The following ERF variants were observed in gnomAD, a reference collection of about 807,000 sequenced individuals.
ERF encodes the protein ETS domain-containing transcription factor ERF.
ERF carries 10 observed loss-of-function variants against 41.6 expected under a neutral mutation model. The observed-to-expected ratio is 0.24, with a 90% CI of 0.15 to 0.41. ERF has a LOEUF of 0.41. Among genes scored for constraint, ERF ranks in the 10% least tolerant of loss-of-function variants. ERF has a pLI of 1.00. For synonymous variants in ERF, 395 were observed against 342.4 expected, an observed-to-expected ratio of 1.15 and a Z score of -1.70; for missense variants, 621 against 763.2, an observed-to-expected ratio of 0.81 and a Z score of 2.19.
chr19:42,248,592 T>C lies in ERF; in HGVS notation c.1520A>G (p.Glu507Gly). 1 of 1,584,140 alleles carries C rather than the reference T, an allele frequency of 6.3e-7. No individual in the cohort carries two copies. Among genetic ancestry groups the C allele is most frequent in the Non-Finnish European group, 8.6e-7 (1 of 1,164,062 alleles). The change falls in exon 4 of 4, where the codon GAG becomes GGG. Residue 507 changes from glutamate to glycine, a missense_variant. Around this residue, in one of 3 missense-constraint regions of ERF, gnomAD observed 569 missense variants for 625.5 expected, o/e 0.91. Coordinates refer to ENST00000222329, the MANE Select transcript of ERF (RefSeq NM_006494.4). This position sits in a 1 kb window ranked among gnomAD's most constrained non-coding sequence, Gnocchi z 4.2. ...GGGPAGGFED[E>G]GEDKKVRGEG... The stretch of plus-strand genomic sequence containing the variant: ...CCCACGCACCTTCTTGTCCTCACCC[T>C]CATCCTCAAAGCCCCCAGCGGGGCC...
At position 42,249,510 on chromosome 19, in the gene ERF, C is replaced by A. The variant is rs753759966; in HGVS notation, c.602G>T (p.Gly201Val). ...DGTSELEEPL[G>V]EDPRARPPGP... is the part of the protein sequence containing the mutation. Reference sequence around the variant, plus strand: ...GGGTGGTCGGGCGCGGGGATCCTCTCCCAGCGGTTCCTCCAGCTCTGACGT... The same window carrying A: ...GGGTGGTCGGGCGCGGGGATCCTCTACCAGCGGTTCCTCCAGCTCTGACGT... The change falls in exon 4 of 4, where the codon GGA (glycine) becomes GTA (valine). Residue 201 changes from glycine (G) to valine (V), a missense_variant. Coordinates refer to ENST00000222329, the MANE Select transcript of ERF (RefSeq NM_006494.4). This position sits in a 1 kb window ranked among gnomAD's most constrained non-coding sequence, Gnocchi z 8.6. 1.4e-5 allele frequency: 22 copies of A among 1,612,576 alleles called. No individual in the cohort carries two copies. The highest frequency in any genetic ancestry group is 1.9e-5 in the Non-Finnish European group (22 of 1,179,832).
chr19:42,253,443 T>C (rs1040184614), intron 1 of ERF, among the ~76,000 whole-genome samples: 3 of 151,500 alleles, frequency 2.0e-5, no homozygotes, highest in African/African-American at 7.3e-5. Flanking sequence ...ACCCACACAC[T>C]GTCCCGCCCC....
Position 42,248,646 on chromosome 19 carries a change from C to G in ERF, c.1466G>C (p.Ser489Thr). The change falls in exon 4 of 4, where the codon AGT becomes ACT. Residue 489 changes from serine (S) to threonine (T), a missense_variant. Coordinates refer to ENST00000222329, the MANE Select transcript of ERF (RefSeq NM_006494.4). This position sits in a 1 kb window ranked among gnomAD's most constrained non-coding sequence, Gnocchi z 4.2. ...ACCCCCTTCGAGGCGACAGTCTTCA[C>G]TCCAGCGCCGCTTAAAGCGTAGCTT... ...PLKLRFKRRW[S>T]EDCRLEGGGG... 1 of 1,599,706 alleles carries G rather than the reference C, an allele frequency of 6.3e-7. No homozygotes were observed. The highest frequency in any genetic ancestry group is 8.5e-7 in the Non-Finnish European group (1 of 1,170,674).
intron 1 of ERF, chr19:42,251,515 G>GC (rs1437501549): frequency 3.9e-6 from 1 of 256,362 alleles, no homozygotes; most frequent in Non-Finnish European, 6.0e-6. Context: ...CAATAATTCA[G>GC]CACCAGGCAG....
intron 1 of ERF, chr19:42,254,028 C>G: frequency 1.4e-6 from 1 of 735,726 alleles, no homozygotes; most frequent in Non-Finnish European, 1.7e-6. Context: ...CAAAGTCCAG[C>G]CCGCGCGAGC....
Position 42,249,830 on chromosome 19 carries a change from C to T in ERF, c.370G>A (p.Ala124Thr). 1 of 1,614,164 alleles carries T rather than the reference C, an allele frequency of 6.2e-7. No homozygotes were observed. Among genetic ancestry groups the T allele is most frequent in the Non-Finnish European group, 8.5e-7 (1 of 1,180,012 alleles). The change falls in exon 3 of 4, where the codon GCT becomes ACT. Residue 124 changes from alanine (A) to threonine (T), a missense_variant. By Grantham distance (58) the Ala-to-Thr change is moderately conservative. This residue lies in a region of ERF where 569 missense variants were observed against 625.5 expected (regional missense o/e 0.91). Transcript: ENST00000222329. This position sits in a 1 kb window ranked among gnomAD's most constrained non-coding sequence, Gnocchi z 8.6. The part of the protein sequence containing the change: ...VNYPFIDVGL[A>T]GGAVPQSAPP... ...ACCAACCATCCCTGGTACTCACCAG[C>T]CAACCCCACATCAATGAATGGGTAA...
At chr19:42,254,760 C>T in intron 1 of ERF, 1 of 469,172 alleles carries the variant, frequency 2.1e-6, no homozygotes, top group Non-Finnish European at 3.7e-6. Context: ...GACCAAGACC[C>T]GCAGCACCCA....
intron 1 of ERF, among the ~76,000 whole-genome samples, chr19:42,254,227 G>A (rs1341256992): frequency 1.3e-5 from 2 of 151,750 alleles, no homozygotes; most frequent in Non-Finnish European, 2.9e-5. Context: ...CGGGAGGGGG[G>A]GCGAGGGGGG....
At chr19:42,253,617 G>GA (rs2036481804) in intron 1 of ERF, among the ~76,000 whole-genome samples, 2 of 152,054 alleles carry the variant, frequency 1.3e-5, no homozygotes, top group Admixed American at 6.5e-5. Context: ...TGGAAGCCGG[G>GA]GGAGTGTGTA....
chr19:42,247,750 C>G lies in ERF; in HGVS notation c.*715G>C, dbSNP rs1420186010. On this transcript the variant is annotated 3_prime_UTR_variant, in exon 4 of 4. Coordinates refer to ENST00000222329, the MANE Select transcript of ERF (RefSeq NM_006494.4). ...TTCAGGGCACCCCCTTCCCATCCCC[C>G]CACCCGCCTGCCCATGGGCCAGTCC... 3.3e-5 allele frequency: 5 copies of G among 152,454 alleles called. No individual in the cohort carries two copies. Among genetic ancestry groups the G allele is most frequent in the African/African-American group, 1.2e-4 (5 of 41,350 alleles). The allele number at this position is 152,454 out of a possible 1,614,324, so 9.4% of individuals were successfully genotyped here.
intron 1 of ERF, among the ~76,000 whole-genome samples, chr19:42,254,198 G>A (rs1228728696): frequency 6.7e-6 from 1 of 150,034 alleles, no homozygotes; most frequent in Non-Finnish European, 1.5e-5. Flanking sequence ...ACGGCCCGCT[G>A]AAAGAGAAGA....
rs772786203 is a variant in ERF, at chr19:42,248,960, G to A, written c.1152C>T (p.Leu384=). ...CCCCAGCTGCCCGCTGCCGGCGTCCGAGTGGGGGCGGCTGGAGCTTAAACT... is the reference window on the plus strand; with the variant it reads ...CCCCAGCTGCCCGCTGCCGGCGTCCAAGTGGGGGCGGCTGGAGCTTAAACT... ...PFKFKLQPPP[L]GRRQRAAGEK... The change falls in exon 4 of 4, where the codon CTC becomes CTT. Residue 384 remains leucine (L), a synonymous_variant. Coordinates refer to ENST00000222329, the MANE Select transcript of ERF (RefSeq NM_006494.4). This position sits in a 1 kb window ranked among gnomAD's most constrained non-coding sequence, Gnocchi z 4.2. 59 of 1,606,530 alleles carry A rather than the reference G, an allele frequency of 3.7e-5. No individual in the cohort carries two copies. Among genetic ancestry groups the A allele is most frequent in the South Asian group, 5.5e-5 (5 of 91,062 alleles).
rs375553116 is a variant in ERF, at chr19:42,248,612, G to A, written c.1500C>T (p.Pro500=). The A allele has an allele frequency of 4.9e-5, 77 of 1,580,188 alleles. No individual in the cohort carries two copies. The highest frequency in any genetic ancestry group is 8.9e-5 in the Admixed American group (5 of 56,026). ...EDCRLEGGGG[P]AGGFEDEGED... ...CACCCTCATCCTCAAAGCCCCCAGC[G>A]GGGCCCCCACCCCCTTCGAGGCGAC... is the stretch of plus-strand genomic sequence containing the variant. Residue 500 remains proline (P), a synonymous_variant, in exon 4 of 4, where the codon CCC becomes CCT. Coordinates refer to ENST00000222329, the MANE Select transcript of ERF (RefSeq NM_006494.4). The surrounding 1 kb of genome is among the most constrained non-coding windows in gnomAD (Gnocchi z 4.2).
intron 1 of ERF, among the ~76,000 whole-genome samples, chr19:42,254,385 G>T (rs2036499411): frequency 2.0e-5 from 3 of 152,024 alleles, no homozygotes; most frequent in Admixed American, 6.5e-5. Context: ...CGAACGTTCG[G>T]GCTGCGCTTT....
At chr19:42,254,236 GGA>G (rs2036497179) in intron 1 of ERF, among the ~76,000 whole-genome samples, 1 of 151,646 alleles carries the variant, frequency 6.6e-6, no homozygotes. Context: ...GGGCGAGGGG[GGA>G]GCCTCTGCGT....
At position 42,249,021 on chromosome 19, in the gene ERF, G is replaced by A. The variant is rs1175444897; in HGVS notation, c.1091C>T (p.Ala364Val). The change falls in exon 4 of 4, where the codon GCC becomes GTC. Residue 364 changes from alanine (A) to valine (V), a missense_variant. This residue lies in a region of ERF where 569 missense variants were observed against 625.5 expected (regional missense o/e 0.91). Coordinates refer to ENST00000222329, the MANE Select transcript of ERF (RefSeq NM_006494.4). This position sits in a 1 kb window ranked among gnomAD's most constrained non-coding sequence, Gnocchi z 8.6. ...APETPPVPSS[A>V]SSSSSSSSSP... ...GGAAGAAGAAGAAGAGGATGACGAGGCCGAGGAGGGGACCGGTGGGGTCTC... is the reference window on the plus strand; with the variant it reads ...GGAAGAAGAAGAAGAGGATGACGAGACCGAGGAGGGGACCGGTGGGGTCTC... The A allele has an allele frequency of 3.1e-6, 5 of 1,610,906 alleles. No homozygotes were observed. The highest frequency in any genetic ancestry group is 4.2e-6 in the Non-Finnish European group (5 of 1,178,856).
rs1251061432 is a variant in ERF at position 42,249,600 on chromosome 19, G to T, written c.512C>A (p.Ser171Tyr). ...SPPACSSSSS[S>Y]LFSAVVARRL... is the part of the protein sequence containing the mutation. ...GCGGGCCACCACAGCCGAGAAGAGG[G>T]AAGATGAAGATGAAGAGCAGGCTGG... The change falls in exon 4 of 4, where the codon TCC (serine) becomes TAC (tyrosine). Residue 171 changes from serine to tyrosine, a missense_variant. This residue lies in a region of ERF where 569 missense variants were observed against 625.5 expected (regional missense o/e 0.91). Coordinates refer to ENST00000222329, the MANE Select transcript of ERF (RefSeq NM_006494.4). The surrounding 1 kb of genome is among the most constrained non-coding windows in gnomAD (Gnocchi z 8.6). The T allele has an allele frequency of 6.2e-7, 1 of 1,613,500 alleles. No individual in the cohort carries two copies. Among genetic ancestry groups the T allele is most frequent in the East Asian group, 2.2e-5 (1 of 44,890 alleles).
At position 42,250,284 on chromosome 19, in the gene ERF, CG is replaced by C. The variant is rs748628629; in HGVS notation, c.257+46del. Reference sequence around the variant, plus strand: ...CCACAGGCAAGGGGCTGTGCAACCCCGGGGGGGCACTCCACATGTGCTCAGG... The same window carrying C: ...CCACAGGCAAGGGGCTGTGCAACCCCGGGGGGCACTCCACATGTGCTCAGG... On this transcript the variant is annotated intron_variant, in intron 2 of 3. Coordinates refer to ENST00000222329, the MANE Select transcript of ERF (RefSeq NM_006494.4). The surrounding 1 kb of genome is among the most constrained non-coding windows in gnomAD (Gnocchi z 5.1). 10 of 1,591,642 alleles carry C rather than the reference CG, an allele frequency of 6.3e-6. No individual in the cohort carries two copies. Among genetic ancestry groups the C allele is most frequent in the South Asian group, 5.7e-5 (5 of 88,286 alleles).
chr19:42,248,903 A>G lies in ERF; in HGVS notation c.1209T>C (p.Gly403=). The change falls in exon 4 of 4, where the codon GGT becomes GGC. Residue 403 remains glycine (G), a synonymous_variant. Transcript: ENST00000222329. This position sits in a 1 kb window ranked among gnomAD's most constrained non-coding sequence, Gnocchi z 4.2. ...CCTCAGCCAGCCCGCCTGCACTGCC[A>G]CCGCTCTTGTCAGCACCGGCTACGG... The part of the protein sequence containing the change: ...EKAVAGADKS[G]GSAGGLAEGA... 6.2e-7 allele frequency: 1 copy of G among 1,607,274 alleles called. No individual in the cohort carries two copies. Among genetic ancestry groups the G allele is most frequent in the African/African-American group, 1.3e-5 (1 of 74,940 alleles).
Sources: allele counts gnomAD v4.1 joint callset (sites outside exome capture counted in the v4.1 genomes callset), GRCh38; gene constraint gnomAD v4.1.1; regional missense constraint gnomAD v4.1.1; non-coding constraint Gnocchi (gnomAD v3.1); transcripts MANE v1.5; gene names NCBI Gene and HGNC (gene_info 2026-07-23, HGNC 2026-07-21).